Variants in ANKRD30BL observed in about 807,000 individuals in gnomAD.
ANKRD30BL encodes ankyrin repeat domain 30B like.
Under a neutral mutation model 18.4 loss-of-function variants are expected in ANKRD30BL, and 20 were observed. That is an observed-to-expected ratio of 1.09 (90% CI 0.77 to 1.58). The LOEUF is 1.58. Among genes scored for constraint, ANKRD30BL ranks in the 40% most tolerant of loss-of-function variants. ANKRD30BL has a pLI of 0.00. For synonymous variants in ANKRD30BL, 72 were observed against 100.9 expected (o/e 0.71, Z 1.72); for missense variants, 224 against 268.6 (o/e 0.83, Z 1.16).
At chr2:132,181,861 C>T (rs1688469314) in intron 1 of ANKRD30BL, among the ~76,000 whole-genome samples, 1 of 152,066 alleles carries the variant, frequency 6.6e-6, no homozygotes, top group Non-Finnish European at 1.5e-5. Context: ...CCTGTAATTC[C>T]AACACTTTGG....
chr2:132,195,354 A>AACTATTAG (rs1327531852), intron 1 of ANKRD30BL, among the ~76,000 whole-genome samples: 2 of 152,124 alleles, frequency 1.3e-5, no homozygotes, highest in African/African-American at 4.8e-5. Context: ...GTGGAGAATT[A>AACTATTAG]ACTATTAGAG....
chr2:132,238,082 A>G (rs1409155748), intron 1 of ANKRD30BL, among the ~76,000 whole-genome samples: 1 of 152,034 alleles, frequency 6.6e-6, no homozygotes, highest in Non-Finnish European at 1.5e-5. Context: ...TAGAATCTGC[A>G]AGTGGACATT....
intron 1 of ANKRD30BL, among the ~76,000 whole-genome samples, chr2:132,225,912 C>A (rs556170128): frequency 6.6e-6 from 1 of 151,880 alleles, no homozygotes; most frequent in African/African-American, 2.4e-5. Flanking sequence ...CAGAGTTGAA[C>A]CTTTCTTTTG....
chr2:132,205,917 T>C (rs560274665), intron 1 of ANKRD30BL, among the ~76,000 whole-genome samples: 1 of 152,198 alleles, frequency 6.6e-6, no homozygotes, highest in South Asian at 2.1e-4. Flanking sequence ...TCCCAGCACT[T>C]TGGGAGGCTG....
In ANKRD30BL at chr2:132,223,077, C is replaced by T. The variant is rs62165534; in HGVS notation, n.441+34452G>A. On this transcript the variant is annotated intron_variant and non_coding_transcript_variant, in intron 1 of 4. Transcript: ENST00000470729. ...AGAAACTGTAAGTGGATATTTGGAC[C>T]GCTTTGAGGCCTTCGTTGGAAACGG... is the stretch of plus-strand genomic sequence containing the variant. Among the ~76,000 whole-genome samples the T allele has an allele frequency of 3.0e-3, 455 of 149,292 alleles. 2 individuals carry two copies. Among genetic ancestry groups the T allele is most frequent in the African/African-American group, 0.01 (410 of 40,558 alleles).
intron 1 of ANKRD30BL, among the ~76,000 whole-genome samples, chr2:132,169,645 A>G (rs1464265910): frequency 5.9e-5 from 2 of 33,650 alleles, no homozygotes; most frequent in East Asian, 9.4e-4. Flanking sequence ...TACTCTGTCT[A>G]AAAAAAAAAA....
chr2:132,180,834 A>C (rs1275183447), intron 1 of ANKRD30BL, among the ~76,000 whole-genome samples: 1 of 152,176 alleles, frequency 6.6e-6, no homozygotes, highest in African/African-American at 2.4e-5. Context: ...AAATTATAAA[A>C]GAACTTGATT....
At chr2:132,210,124 G>GA (rs1287983218) in intron 1 of ANKRD30BL, among the ~76,000 whole-genome samples, 6 of 152,116 alleles carry the variant, frequency 3.9e-5, no homozygotes, top group Non-Finnish European at 1.5e-5. Flanking sequence ...GAGGAGTTTG[G>GA]AAAATCTCTT....
chr2:132,257,114 C>T (rs1558746801), intron 1 of ANKRD30BL: 1 of 478,624 alleles, frequency 2.1e-6, no homozygotes, highest in Non-Finnish European at 4.2e-6. Flanking sequence ...CAGGTCCCGC[C>T]ATCAGGACCC....
chr2:132,169,636 A>G (rs1199953144), intron 1 of ANKRD30BL, among the ~76,000 whole-genome samples: 1 of 121,896 alleles, frequency 8.2e-6, no homozygotes, highest in East Asian at 2.3e-4. Flanking sequence ...ACACAGGGAT[A>G]CTCTGTCTAA....
intron 1 of ANKRD30BL, among the ~76,000 whole-genome samples, chr2:132,221,203 G>A (rs562518268): frequency 7.4e-6 from 1 of 134,604 alleles, no homozygotes; most frequent in East Asian, 2.2e-4. Context: ...GGGGGGGTCA[G>A]CCCCCCGCCC....
At chr2:132,175,415 C>A (rs1023978745) in intron 1 of ANKRD30BL, among the ~76,000 whole-genome samples, 2 of 152,188 alleles carry the variant, frequency 1.3e-5, no homozygotes, top group Non-Finnish European at 2.9e-5. Flanking sequence ...GCATTGCTGC[C>A]AACATGTCTT....
chr2:132,213,174 T>C (rs1029734364), intron 1 of ANKRD30BL, among the ~76,000 whole-genome samples: 3 of 151,916 alleles, frequency 2.0e-5, no homozygotes, highest in East Asian at 3.9e-4. Context: ...ACAAAAGCAT[T>C]CTGAGAAACT....
intron 1 of ANKRD30BL, among the ~76,000 whole-genome samples, chr2:132,212,389 C>A (rs549901569): frequency 7.8e-4 from 118 of 152,016 alleles, no homozygotes; most frequent in African/African-American, 2.5e-3. Flanking sequence ...TTTGATTGAG[C>A]AGTTTTGACA....
intron 1 of ANKRD30BL, among the ~76,000 whole-genome samples, chr2:132,174,530 G>A (rs12105783): frequency 7.2e-4 from 110 of 152,104 alleles, no homozygotes; most frequent in South Asian, 1.7e-3. Flanking sequence ...CTAGGCATGC[G>A]TCAACTTCTC....
intron 1 of ANKRD30BL, among the ~76,000 whole-genome samples, chr2:132,171,097 G>A (rs1386021148): frequency 1.3e-5 from 2 of 149,954 alleles, no homozygotes; most frequent in African/African-American, 2.5e-5. Context: ...GGAGCCTGCA[G>A]TGAGCCGAGA....
At chr2:132,190,766 C>T (rs7602567) in intron 1 of ANKRD30BL, among the ~76,000 whole-genome samples, 46 of 152,132 alleles carry the variant, frequency 3.0e-4, no homozygotes, top group South Asian at 8.3e-4. Context: ...TTTTATGCAG[C>T]GAATTATGAT....
chr2:132,247,281 T>C (rs1680529349), intron 1 of ANKRD30BL, among the ~76,000 whole-genome samples: 1 of 151,894 alleles, frequency 6.6e-6, no homozygotes, highest in Non-Finnish European at 1.5e-5. Flanking sequence ...AAGTGGATAT[T>C]TGGAGCGCTT....
chr2:132,242,235 A>G (rs149658922), intron 1 of ANKRD30BL, among the ~76,000 whole-genome samples: 1 of 151,138 alleles, frequency 6.6e-6, no homozygotes, highest in Non-Finnish European at 1.5e-5. Flanking sequence ...CTCAGAAACT[A>G]CTTTGTGAGG....
Sources: allele counts gnomAD v4.1 joint callset (sites outside exome capture counted in the v4.1 genomes callset), GRCh38; gene constraint gnomAD v4.1.1; transcripts MANE v1.5; gene names NCBI Gene and HGNC (gene_info 2026-07-23, HGNC 2026-07-21).